RP1: variants seen among roughly 807,000 people sequenced by gnomAD.
The protein encoded by RP1 is oxygen-regulated protein 1.
RP1 carries 16 observed loss-of-function variants against 14.8 expected under a neutral mutation model. The ratio of observed to expected loss-of-function variants is 1.08; its 90% CI spans 0.73 to 1.65. The LOEUF (loss-of-function observed/expected upper bound fraction) is 1.65, where lower values mean the gene tolerates loss of function less well. RP1 is among the 40% of genes most tolerant of loss of function. The pLI is 0.00. For missense variants in RP1, 2,631 were observed against 2,535.0 expected (o/e 1.04, Z -0.81); for synonymous variants, 876 against 883.6 (o/e 0.99, Z 0.15).
intron 1 of RP1, among the ~76,000 whole-genome samples, chr8:54,587,868 T>G (rs1322480710): frequency 6.6e-6 from 1 of 152,216 alleles, no homozygotes; most frequent in Admixed American, 6.5e-5. Flanking sequence ...CTTCTTTACA[T>G]TTTTTCCTCT....
At chr8:54,811,680 C>T (rs1810998482) in intron 24 of RP1, among the ~76,000 whole-genome samples, 4 of 152,100 alleles carry the variant, frequency 2.6e-5, no homozygotes, top group Admixed American at 2.0e-4. Context: ...GTTTAGATAT[C>T]CCCAGCCATT....
intron 3 of RP1, among the ~76,000 whole-genome samples, chr8:54,642,455 T>C (rs1806470714): frequency 6.6e-6 from 1 of 152,160 alleles, no homozygotes; most frequent in South Asian, 2.1e-4. Flanking sequence ...AGGCGTTTTT[T>C]CTAAACTTTA....
intron 25 of RP1, among the ~76,000 whole-genome samples, chr8:54,844,210 C>T (rs1264972040): frequency 6.6e-6 from 1 of 152,144 alleles, no homozygotes; most frequent in Non-Finnish European, 1.5e-5. Context: ...GCCCGGGTGG[C>T]CCAAAGAACC....
intron 24 of RP1, among the ~76,000 whole-genome samples, chr8:54,828,660 A>G (rs1352712646): frequency 6.6e-6 from 1 of 152,116 alleles, no homozygotes; most frequent in African/African-American, 2.4e-5. Flanking sequence ...CCAACAGACT[A>G]TGACATTATC....
chr8:54,779,435 T>C (rs1245022906), intron 23 of RP1, among the ~76,000 whole-genome samples: 2 of 152,220 alleles, frequency 1.3e-5, no homozygotes, highest in Non-Finnish European at 2.9e-5. Context: ...GCATCTTCTC[T>C]GCATTTCTTT....
intron 13 of RP1, chr8:54,699,667 G>C: frequency 2.0e-6 from 1 of 492,920 alleles, no homozygotes; most frequent in Non-Finnish European, 3.2e-6. Context: ...TTTCCTTTTG[G>C]CTTGTACTAG....
chr8:54,846,628 A>C (rs1811926392), intron 25 of RP1, among the ~76,000 whole-genome samples: 1 of 152,226 alleles, frequency 6.6e-6, no homozygotes, highest in South Asian at 2.1e-4. Context: ...GACTCCAAAT[A>C]AACTCAGACA....
At chr8:54,645,392 T>G (rs1255841301) in intron 3 of RP1, among the ~76,000 whole-genome samples, 3 of 152,208 alleles carry the variant, frequency 2.0e-5, no homozygotes, top group East Asian at 1.9e-4. Flanking sequence ...GTATTTTCAC[T>G]GTTTTTAATT....
chr8:54,828,882 C>CTT (rs201534661), intron 24 of RP1, among the ~76,000 whole-genome samples: 4,479 of 83,794 alleles, frequency 0.053, 810 homozygotes, highest in Middle Eastern at 0.16. Context: ...TCTTCTTCTT[C>CTT]TTTTTTTTTT....
chr8:54,633,727 C>CTATA (rs1260080855), downstream of RP1, among the ~76,000 whole-genome samples: 5 of 135,918 alleles, frequency 3.7e-5, no homozygotes, highest in African/African-American at 5.8e-5. Context: ...CTCTCTCTCT[C>CTATA]TCTCTCTCTC....
rs1400071842 is a variant in RP1 at position 54,665,773 on chromosome 8, G to A, written c.1323+1923G>A. ...CAGAGGAAAGAGCTGTATGAAGTGT[G>A]CAGACACTCAGTAGACTACTGATTG... On this transcript the variant is annotated intron_variant, in intron 7 of 22. Coordinates refer to the RP1 transcript ENST00000636932. Among the ~76,000 whole-genome samples, 3 of 152,288 alleles carry A rather than the reference G, an allele frequency of 2.0e-5. No homozygotes were observed. The South Asian group carries it at 6.2e-4, about 32-fold the overall frequency.
At chr8:54,612,365 G>GA, upstream of RP1, among the ~76,000 whole-genome samples, 4 of 152,322 alleles carry the variant, frequency 2.6e-5, no homozygotes, top group Admixed American at 2.6e-4. Context: ...CTGCCATGGG[G>GA]CTGGGGGATG....
chr8:54,844,978 C>T (rs1412911570), intron 25 of RP1, among the ~76,000 whole-genome samples: 1 of 152,152 alleles, frequency 6.6e-6, no homozygotes, highest in Non-Finnish European at 1.5e-5. Flanking sequence ...TACTAGGTCC[C>T]CACCTCACCC....
At chr8:54,864,639 A>C (rs1812420249) in intron 27 of RP1, among the ~76,000 whole-genome samples, 1 of 152,224 alleles carries the variant, frequency 6.6e-6, no homozygotes. Context: ...ACTAATGTGC[A>C]GAGCAGCGCT....
At chr8:54,731,259 C>A (rs1808787719) in intron 17 of RP1, among the ~76,000 whole-genome samples, 1 of 152,036 alleles carries the variant, frequency 6.6e-6, no homozygotes, top group African/African-American at 2.4e-5. Context: ...TCTGAGTCAA[C>A]CTGATTGGTG....
chr8:54,560,047 C>T (rs1044024147), intron 1 of RP1, among the ~76,000 whole-genome samples: 1 of 152,082 alleles, frequency 6.6e-6, no homozygotes, highest in Admixed American at 6.5e-5. Flanking sequence ...TATTTGCAGC[C>T]GGCAGAATGT....
chr8:54,745,495 G>A (rs754435558), intron 19 of RP1, among the ~76,000 whole-genome samples: 11 of 152,124 alleles, frequency 7.2e-5, no homozygotes, highest in Non-Finnish European at 1.5e-4. Flanking sequence ...ACAAAAATGA[G>A]TTTTTATGGT....
At chr8:54,608,335 T>C (rs1585547342) in intron 1 of RP1, among the ~76,000 whole-genome samples, 1 of 152,134 alleles carries the variant, frequency 6.6e-6, no homozygotes, top group South Asian at 2.1e-4. Flanking sequence ...GGCATGGAAA[T>C]CATGTATCAA....
Position 54,669,338 on chromosome 8 carries a change from C to T in RP1, c.1324-4512C>T, listed in dbSNP as rs574203132. 2.6e-5 allele frequency among the ~76,000 whole-genome samples: 4 copies of T among 152,296 alleles called. No individual in the cohort carries two copies. In the East Asian group the frequency reaches 7.7e-4, roughly 29 times the overall value. ...AAAACCACAATGAGATACCATCTCA[C>T]ACCAGTTAGAATGGCGATCATTAAA... On this transcript the variant is annotated intron_variant, in intron 7 of 22. Transcript: ENST00000636932.
Sources: allele counts gnomAD v4.1 joint callset (sites outside exome capture counted in the v4.1 genomes callset), GRCh38; gene constraint gnomAD v4.1.1; transcripts MANE v1.5; gene names NCBI Gene and HGNC (gene_info 2026-07-23, HGNC 2026-07-21).